The following DTNA variants were observed in gnomAD, a reference collection of about 807,000 sequenced individuals.
DTNA encodes the protein dystrobrevin alpha.
A neutral mutation model predicts 100.7 loss-of-function variants in DTNA; 43 were observed. That is an observed-to-expected ratio of 0.43 (90% CI 0.33 to 0.55). DTNA has a LOEUF of 0.55. DTNA is among the 20% of genes least tolerant of loss of function. The pLI, the probability that DTNA is intolerant of heterozygous loss-of-function variation, is 0.04. For synonymous variants in DTNA, 349 were observed against 347.9 expected, an observed-to-expected ratio of 1.00 and a Z score of -0.04; for missense variants, 798 against 953.9, an observed-to-expected ratio of 0.84 and a Z score of 2.15.
chr18:34,506,591 G>A (rs2040518347), intron 1 of DTNA, among the ~76,000 whole-genome samples: 1 of 152,124 alleles, frequency 6.6e-6, no homozygotes, highest in Non-Finnish European at 1.5e-5. Flanking sequence ...ATCTAGCTAT[G>A]ATGCTCCTTT....
intron 1 of DTNA, among the ~76,000 whole-genome samples, chr18:34,663,147 A>G (rs1249198676): frequency 6.6e-6 from 1 of 151,908 alleles, no homozygotes; most frequent in African/African-American, 2.4e-5. Flanking sequence ...TATTTTATTT[A>G]TTTATTTTTA....
At chr18:34,852,751 C>G (rs902283977) in intron 15 of DTNA, among the ~76,000 whole-genome samples, 4 of 152,172 alleles carry the variant, frequency 2.6e-5, no homozygotes, top group African/African-American at 9.7e-5. Flanking sequence ...AGCTCTTCCT[C>G]CAGGTCTCTG....
intron 15 of DTNA, among the ~76,000 whole-genome samples, 175 bp downstream of exon 15, chr18:34,852,103 G>A (rs1242719716): frequency 6.6e-6 from 1 of 152,210 alleles, no homozygotes; most frequent in African/African-American, 2.4e-5. Context: ...TAGAACTTCA[G>A]AAGCTCCATG....
At chr18:34,567,069 A>C (rs1477968995) in intron 1 of DTNA, among the ~76,000 whole-genome samples, 1 of 152,206 alleles carries the variant, frequency 6.6e-6, no homozygotes, top group Non-Finnish European at 1.5e-5. Flanking sequence ...ATTCCATGTT[A>C]AGGAGTGGTT....
intron 3 of DTNA, among the ~76,000 whole-genome samples, chr18:34,783,840 G>T (rs2094423912): frequency 6.6e-6 from 1 of 152,072 alleles, no homozygotes. Flanking sequence ...ATGATAAGAG[G>T]CCTGAACAAG....
At chr18:34,805,817 CT>C (rs1294099318) in intron 4 of DTNA, among the ~76,000 whole-genome samples, 1 of 151,602 alleles carries the variant, frequency 6.6e-6, no homozygotes, top group Admixed American at 6.6e-5. Flanking sequence ...TTCTGAAGCT[CT>C]GTTTAAGTAA....
At chr18:34,852,059 A>G in intron 15 of DTNA, 131 bp downstream of exon 15, 1 of 906,870 alleles carries the variant, frequency 1.1e-6, no homozygotes, top group Non-Finnish European at 1.8e-6. Context: ...ACACTCAGTG[A>G]TGCTCACTTC....
chr18:34,864,248 CTT>C (rs555273655), intron 17 of DTNA, among the ~76,000 whole-genome samples, 186 bp downstream of exon 17: 9 of 127,414 alleles, frequency 7.1e-5, no homozygotes, highest in Admixed American at 1.6e-4. Context: ...AGAACACATT[CTT>C]TTTTTTTTTT....
chr18:34,702,643 A>G (rs1263337736), intron 1 of DTNA, among the ~76,000 whole-genome samples: 1 of 152,108 alleles, frequency 6.6e-6, no homozygotes, highest in Non-Finnish European at 1.5e-5. Context: ...TCCCCATTCC[A>G]ATTAATAACT....
chr18:34,586,678 CA>C (rs2049169339), intron 1 of DTNA, among the ~76,000 whole-genome samples: 1 of 152,178 alleles, frequency 6.6e-6, no homozygotes, highest in African/African-American at 2.4e-5. Flanking sequence ...ACATGGATTT[CA>C]AATATGGATT....
intron 15 of DTNA, among the ~76,000 whole-genome samples, chr18:34,852,732 A>G (rs1238917168): frequency 6.6e-6 from 1 of 151,996 alleles, no homozygotes; most frequent in African/African-American, 2.4e-5. Flanking sequence ...TCATTCCCTC[A>G]GCCTAGAAAG....
intron 1 of DTNA, among the ~76,000 whole-genome samples, chr18:34,718,351 G>A (rs944841621): frequency 1.3e-5 from 2 of 152,120 alleles, no homozygotes; most frequent in African/African-American, 2.4e-5. Context: ...TTGACAAATA[G>A]TGTTTTTATT....
chr18:34,702,095 C>G (rs1336667368), intron 1 of DTNA, among the ~76,000 whole-genome samples: 1 of 152,194 alleles, frequency 6.6e-6, no homozygotes, highest in Non-Finnish European at 1.5e-5. Flanking sequence ...CTGTCCCCAT[C>G]TGCACAGTGC....
At chr18:34,536,350 T>G (rs2043710387) in intron 1 of DTNA, among the ~76,000 whole-genome samples, 2 of 152,006 alleles carry the variant, frequency 1.3e-5, no homozygotes, top group Admixed American at 1.3e-4. Context: ...ACTATGAGCC[T>G]TTCTGCGAAA....
At chr18:34,641,584 A>G (rs2059284227) in intron 1 of DTNA, among the ~76,000 whole-genome samples, 1 of 152,160 alleles carries the variant, frequency 6.6e-6, no homozygotes, top group Non-Finnish European at 1.5e-5. Context: ...CATTTAATCA[A>G]TCTATCCACT....
At chr18:34,824,932 TAAAAAAA>T (rs35456039) in intron 9 of DTNA, among the ~76,000 whole-genome samples, 2 of 96,884 alleles carry the variant, frequency 2.1e-5, no homozygotes, top group Non-Finnish European at 4.3e-5. Context: ...TTAGATACAG[TAAAAAAA>T]AAAAAAAAAA....
chr18:34,842,726 C>T (rs2096292321), intron 13 of DTNA, among the ~76,000 whole-genome samples: 1 of 152,160 alleles, frequency 6.6e-6, no homozygotes, highest in East Asian at 1.9e-4. Context: ...GCTTGTCTAG[C>T]TTCCAATCTT....
At chr18:34,849,615 A>G (rs955956050) in intron 14 of DTNA, among the ~76,000 whole-genome samples, 1 of 152,202 alleles carries the variant, frequency 6.6e-6, no homozygotes, top group Non-Finnish European at 1.5e-5. Flanking sequence ...CAGCCTGCAG[A>G]CCAAATTTGT....
intron 1 of DTNA, among the ~76,000 whole-genome samples, chr18:34,650,666 C>T (rs1282377471): frequency 6.6e-6 from 1 of 152,066 alleles, no homozygotes; most frequent in Non-Finnish European, 1.5e-5. Context: ...CTATACTAGG[C>T]CCAGAAGGCA....
Sources: gnomAD v4.1 joint callset for allele counts (sites outside exome capture counted in the v4.1 genomes callset) on GRCh38, gnomAD v4.1.1 for gene constraint, MANE v1.5 for transcripts, NCBI Gene and HGNC (gene_info 2026-07-23, HGNC 2026-07-21) for gene names.